SPRED2: variants seen among roughly 807,000 people sequenced by gnomAD.
The protein encoded by SPRED2 is sprouty-related, EVH1 domain-containing protein 2.
Under a neutral mutation model 43.0 loss-of-function variants are expected in SPRED2, and 47 were observed. The observed-to-expected ratio is 1.09, with a 90% CI of 0.87 to 1.40. SPRED2 has a LOEUF of 1.40. SPRED2 is among the 40% of genes most tolerant of loss of function. SPRED2 has a pLI of 0.00. For synonymous variants in SPRED2, 225 were observed against 225.7 expected, an observed-to-expected ratio of 1.00 and a Z score of 0.03; for missense variants, 561 against 586.4, an observed-to-expected ratio of 0.96 and a Z score of 0.45.
At chr2:65,373,395 T>C (rs1037968211) in intron 1 of SPRED2, among the ~76,000 whole-genome samples, 2 of 152,228 alleles carry the variant, frequency 1.3e-5, no homozygotes, top group Non-Finnish European at 2.9e-5. Context: ...AGGAAAGCTA[T>C]GTCCCTGATG....
chr2:65,405,611 CAGA>C (rs1314108527), intron 1 of SPRED2, among the ~76,000 whole-genome samples: 3 of 152,178 alleles, frequency 2.0e-5, no homozygotes, highest in African/African-American at 7.2e-5. Flanking sequence ...TCAACGCCCC[CAGA>C]AGATTAATCA....
In SPRED2 at chr2:65,311,038, A is replaced by G. The variant is rs1167952514; in HGVS notation, c.*2463T>C. 2.0e-6 allele frequency: 2 copies of G among 985,424 alleles called. No homozygotes were observed. Among genetic ancestry groups the G allele is most frequent in the East Asian group, 1.1e-4 (1 of 8,814 alleles). The allele number at this position is 985,424 out of a possible 1,614,324, so 61.0% of individuals were successfully genotyped here. A position where few individuals can be genotyped will look rare whatever the true frequency, so the allele number is the denominator to read the frequency against. On this transcript the variant is annotated 3_prime_UTR_variant, in exon 6 of 6. Coordinates refer to ENST00000356388, the MANE Select transcript of SPRED2 (RefSeq NM_181784.3). ...CAATACAACAGGGTTTTTAGTATAC[A>G]GGTAAAGAATGAATTATGCTTCAGG... is the stretch of plus-strand genomic sequence containing the variant.
chr2:65,431,411 C>G (rs991594349), intron 1 of SPRED2, among the ~76,000 whole-genome samples: 1 of 151,768 alleles, frequency 6.6e-6, no homozygotes, highest in Non-Finnish European at 1.5e-5. Context: ...GCGCACCAGA[C>G]CCCCGCGCAG....
intron 1 of SPRED2, among the ~76,000 whole-genome samples, chr2:65,424,030 C>T (rs1001848073): frequency 7.2e-5 from 11 of 152,046 alleles, no homozygotes; most frequent in Admixed American, 2.0e-4. Context: ...CTCAGGTGGT[C>T]GGCCCACCTC....
At chr2:65,431,078 C>G (rs1676674043) in intron 1 of SPRED2, among the ~76,000 whole-genome samples, 1 of 152,028 alleles carries the variant, frequency 6.6e-6, no homozygotes, top group African/African-American at 2.4e-5. Context: ...GCTGCACCTC[C>G]GCCCCGGGCT....
intron 4 of SPRED2, among the ~76,000 whole-genome samples, chr2:65,326,563 G>C (rs1245496736): frequency 6.6e-6 from 1 of 152,146 alleles, no homozygotes; most frequent in Admixed American, 6.5e-5. Flanking sequence ...GGGGCTTTGG[G>C]GGAGAGATGA....
intron 1 of SPRED2, among the ~76,000 whole-genome samples, chr2:65,396,264 C>T (rs1675754518): frequency 6.6e-6 from 1 of 152,230 alleles, no homozygotes; most frequent in Non-Finnish European, 1.5e-5. Flanking sequence ...TCCCTCTCTG[C>T]ACAGATAAAC....
intron 1 of SPRED2, among the ~76,000 whole-genome samples, chr2:65,357,100 AG>A (rs1334523703): frequency 6.6e-6 from 1 of 152,258 alleles, no homozygotes; most frequent in African/African-American, 2.4e-5. Context: ...ATAAGCTGAC[AG>A]GATTTTTAAG....
intron 4 of SPRED2, among the ~76,000 whole-genome samples, chr2:65,321,683 A>T (rs937255178): frequency 6.6e-6 from 1 of 152,164 alleles, no homozygotes; most frequent in East Asian, 1.9e-4. Flanking sequence ...GGTCAAGTTA[A>T]TCTCTAACTC....
rs1673122555 is a variant in SPRED2, at chr2:65,313,314, C to T, written c.*187G>A. 7.0e-7 allele frequency: 1 copy of T among 1,437,494 alleles called. No homozygotes were observed. The highest frequency in any genetic ancestry group is 9.1e-7 in the Non-Finnish European group (1 of 1,102,704). 89.0% of individuals were successfully genotyped at this position (1,437,494 alleles called of 1,614,324 possible). A position where few individuals can be genotyped will look rare whatever the true frequency, so the allele number is the denominator to read the frequency against. On this transcript the variant is annotated 3_prime_UTR_variant, in exon 6 of 6. Transcript: ENST00000356388. ...GATGTGGCTGCTGCAGTGTGGGCGG[C>T]AGGGGGAGTGGAGAGTCTACCCGGC...
At chr2:65,353,221 C>T (rs1674559213) in intron 1 of SPRED2, among the ~76,000 whole-genome samples, 1 of 152,178 alleles carries the variant, frequency 6.6e-6, no homozygotes, top group Non-Finnish European at 1.5e-5. Flanking sequence ...GTAAGTACTG[C>T]TGTCCTGCAA....
At chr2:65,346,899 G>A (rs898998849) in intron 1 of SPRED2, among the ~76,000 whole-genome samples, 17 of 152,110 alleles carry the variant, frequency 1.1e-4, no homozygotes, top group Admixed American at 3.9e-4. Context: ...TCCCTGGCCC[G>A]ATTCTTGATA....
Position 65,312,892 on chromosome 2 carries a change from A to G in SPRED2, c.*609T>C. On this transcript the variant is annotated 3_prime_UTR_variant, in exon 6 of 6. Transcript: ENST00000356388. ...GATAGAAACTGCAGCTTACATGGGAAATTTGGCTTTAGAAAAGTTAAAGCG... is the reference window on the plus strand; with the variant it reads ...GATAGAAACTGCAGCTTACATGGGAGATTTGGCTTTAGAAAAGTTAAAGCG... 2.0e-6 allele frequency: 2 copies of G among 985,878 alleles called. No individual in the cohort carries two copies. The highest frequency in any genetic ancestry group is 2.4e-6 in the Non-Finnish European group (2 of 829,940). The allele number at this position is 985,878 out of a possible 1,614,324, so 61.1% of individuals were successfully genotyped here.
intron 1 of SPRED2, among the ~76,000 whole-genome samples, chr2:65,415,158 T>A (rs922469292): frequency 3.3e-5 from 5 of 152,218 alleles, no homozygotes; most frequent in African/African-American, 1.2e-4. Context: ...TTTTATACAA[T>A]TCAGTGGCAT....
intron 4 of SPRED2, among the ~76,000 whole-genome samples, chr2:65,319,861 CA>C (rs1350228780): frequency 1.3e-5 from 2 of 152,176 alleles, no homozygotes; most frequent in Admixed American, 1.3e-4. Context: ...CAGTCACTGG[CA>C]GAGCTGGGAC....
intron 1 of SPRED2, among the ~76,000 whole-genome samples, chr2:65,352,613 A>G (rs1255236393): frequency 6.6e-6 from 1 of 152,126 alleles, no homozygotes; most frequent in Admixed American, 6.6e-5. Context: ...ACTACAACAT[A>G]GCTTTGGTTT....
chr2:65,315,462 C>T (rs1673206272), intron 5 of SPRED2, among the ~76,000 whole-genome samples: 1 of 152,190 alleles, frequency 6.6e-6, no homozygotes, highest in South Asian at 2.1e-4. Context: ...TACCAGAGGG[C>T]AGGGCCATGT....
intron 1 of SPRED2, among the ~76,000 whole-genome samples, chr2:65,348,840 A>G (rs968353803): frequency 4.6e-5 from 7 of 152,174 alleles, no homozygotes; most frequent in Non-Finnish European, 1.0e-4. Flanking sequence ...AAAAACATAT[A>G]GTGTTCAATA....
rs1246598326 is a variant in SPRED2, at chr2:65,334,790, C to T, written c.205-17G>A. On this transcript the variant is annotated splice_polypyrimidine_tract_variant and intron_variant, in intron 2 of 5. Transcript: ENST00000356388. ...CAATACCACCTGAAGGATGGAAACACACAGGCTGGTTACTAGTGGAACAGC... is the reference window on the plus strand; with the variant it reads ...CAATACCACCTGAAGGATGGAAACATACAGGCTGGTTACTAGTGGAACAGC... 2 of 1,613,756 alleles carry T rather than the reference C, an allele frequency of 1.2e-6. No homozygotes were observed. The highest frequency in any genetic ancestry group is 1.7e-6 in the Non-Finnish European group (2 of 1,179,838).
Sources: gnomAD v4.1 joint callset for allele counts (sites outside exome capture counted in the v4.1 genomes callset) on GRCh38, gnomAD v4.1.1 for gene constraint, MANE v1.5 for transcripts, NCBI Gene and HGNC (gene_info 2026-07-23, HGNC 2026-07-21) for gene names.